SHISA9: variants seen among roughly 807,000 people sequenced by gnomAD.
SHISA9 encodes the protein shisa family member 9, also known as protein shisa-9.
SHISA9 carries 13 observed loss-of-function variants against 38.0 expected under a neutral mutation model. The observed-to-expected ratio is 0.34, with a 90% CI of 0.22 to 0.54. The LOEUF is 0.54. SHISA9 is among the 20% of genes least tolerant of loss of function. The pLI, the probability that SHISA9 is intolerant of heterozygous loss-of-function variation, is 0.91. For missense variants in SHISA9, 538 were observed against 575.8 expected, an observed-to-expected ratio of 0.93 and a Z score of 0.67; for synonymous variants, 275 against 242.0, an observed-to-expected ratio of 1.14 and a Z score of -1.27.
the SHISA9 span, among the ~76,000 whole-genome samples, chr16:13,447,987 T>C: frequency 6.6e-6 from 1 of 152,226 alleles, no homozygotes. Context: ...GAGAGAAACC[T>C]GAAAAGGAAA....
chr16:13,562,381 G>A, the SHISA9 span, among the ~76,000 whole-genome samples: 856 of 152,254 alleles, frequency 5.6e-3, 7 homozygotes, highest in African/African-American at 0.019. Flanking sequence ...TGTAATCCCA[G>A]CACTTTGGGA....
the SHISA9 span, among the ~76,000 whole-genome samples, chr16:13,306,211 A>G: frequency 1.3e-5 from 2 of 152,238 alleles, no homozygotes; most frequent in Non-Finnish European, 2.9e-5. Flanking sequence ...AAATGGGGTT[A>G]TCATAATTTG....
the SHISA9 span, among the ~76,000 whole-genome samples, chr16:13,247,778 G>A: frequency 1.2e-4 from 18 of 152,082 alleles, 1 homozygote; most frequent in South Asian, 3.7e-3. Flanking sequence ...TTTCCTTTTT[G>A]CAAGTTCAGA....
the SHISA9 span, among the ~76,000 whole-genome samples, chr16:13,413,757 CAAAAAAAAAAAAAA>C: frequency 9.4e-4 from 50 of 52,928 alleles, no homozygotes; most frequent in African/African-American, 2.1e-3. Flanking sequence ...GACTTCATCT[CAAAAAAAAAAAAAA>C]AAAAAAAAAA....
At chr16:13,391,898 A>G in the SHISA9 span, among the ~76,000 whole-genome samples, 192 of 152,294 alleles carry the variant, frequency 1.3e-3, 1 homozygote, top group African/African-American at 4.5e-3. Context: ...GTTTGGAATG[A>G]TGCAGATTTA....
chr16:13,013,027 T>C lies in SHISA9; in HGVS notation c.691+96212T>C, dbSNP rs1424119907. Among the ~76,000 whole-genome samples the C allele has an allele frequency of 3.3e-5, 5 of 152,216 alleles. No individual in the cohort carries two copies. In the East Asian group the frequency reaches 9.6e-4, roughly 29 times the overall value. ...AAGGGGACCTGCCTCTCCTGCTGCC[T>C]GTCTCTCTCTCTCTTCCTTTCTGAA... is the stretch of plus-strand genomic sequence containing the variant. On this transcript the variant is annotated intron_variant, in intron 2 of 4. Coordinates refer to ENST00000558583, the MANE Select transcript of SHISA9 (RefSeq NM_001145204.3).
intron 2 of SHISA9, among the ~76,000 whole-genome samples, chr16:13,104,459 A>G (rs2073907578): frequency 6.6e-6 from 1 of 152,244 alleles, no homozygotes; most frequent in Admixed American, 6.5e-5. Context: ...AATGTCAATC[A>G]ATTAGTAAAT....
chr16:13,097,401 T>C (rs1175475559), intron 2 of SHISA9, among the ~76,000 whole-genome samples: 2 of 151,506 alleles, frequency 1.3e-5, no homozygotes, highest in East Asian at 1.9e-4. Flanking sequence ...CCCGACATCA[T>C]AGTGGCATTG....
At chr16:13,521,959 AT>A in the SHISA9 span, among the ~76,000 whole-genome samples, 2 of 152,192 alleles carry the variant, frequency 1.3e-5, no homozygotes, top group Non-Finnish European at 2.9e-5. Context: ...TGTTAAATTT[AT>A]TATTTTTGCA....
the SHISA9 span, among the ~76,000 whole-genome samples, chr16:13,546,079 C>T: frequency 2.0e-5 from 3 of 152,132 alleles, no homozygotes; most frequent in African/African-American, 7.2e-5. Flanking sequence ...CTAATTCAGC[C>T]CTCTTGCCTA....
the SHISA9 span, among the ~76,000 whole-genome samples, chr16:13,350,966 T>C: frequency 4.6e-5 from 7 of 152,334 alleles, no homozygotes; most frequent in African/African-American, 1.7e-4. Flanking sequence ...CAGTACTTCC[T>C]AGAAAAAGCT....
At chr16:12,920,248 C>G (rs2071310773) in intron 2 of SHISA9, among the ~76,000 whole-genome samples, 1 of 152,072 alleles carries the variant, frequency 6.6e-6, no homozygotes, top group Admixed American at 6.5e-5. Context: ...TGCAGCACAC[C>G]AACATGGCAC....
intron 2 of SHISA9, among the ~76,000 whole-genome samples, chr16:13,083,732 G>A (rs1217910501): frequency 1.3e-5 from 2 of 152,188 alleles, no homozygotes; most frequent in Non-Finnish European, 2.9e-5. Flanking sequence ...CTGCTTCAGG[G>A]GGTGGGGAAA....
At chr16:13,346,617 CTTTTA>C in the SHISA9 span, among the ~76,000 whole-genome samples, 12 of 152,160 alleles carry the variant, frequency 7.9e-5, no homozygotes, top group East Asian at 9.6e-4. Context: ...GTGGAAGTCT[CTTTTA>C]TTTTATTATT....
At chr16:13,012,355 A>T (rs931883417) in intron 2 of SHISA9, among the ~76,000 whole-genome samples, 34 of 152,100 alleles carry the variant, frequency 2.2e-4, no homozygotes, top group Non-Finnish European at 4.0e-4. Context: ...AATGAGGAGG[A>T]ATCAGCCAGG....
At position 13,016,266 on chromosome 16, in the gene SHISA9, C is replaced by T. The variant is rs569772871; in HGVS notation, c.691+99451C>T. ...TTGGGATTACAGGTGTGAGCCACTG[C>T]ACCTGGCTAAATTAATTTCTTTAGC... On this transcript the variant is annotated intron_variant, in intron 2 of 4. Coordinates refer to ENST00000558583, the MANE Select transcript of SHISA9 (RefSeq NM_001145204.3). Among the ~76,000 whole-genome samples the T allele has an allele frequency of 2.6e-5, 4 of 152,126 alleles. No individual in the cohort carries two copies. The South Asian group carries it at 8.3e-4, about 32-fold the overall frequency.
chr16:12,972,744 A>G (rs982592269), intron 2 of SHISA9, among the ~76,000 whole-genome samples: 3 of 152,220 alleles, frequency 2.0e-5, no homozygotes, highest in African/African-American at 7.2e-5. Context: ...ATATTGGATA[A>G]TGCAATTATA....
chr16:13,089,322 A>C (rs1488968625), intron 2 of SHISA9, among the ~76,000 whole-genome samples: 1 of 152,206 alleles, frequency 6.6e-6, no homozygotes, highest in Non-Finnish European at 1.5e-5. Flanking sequence ...TCATAAAATG[A>C]GTTAGGGAGG....
intron 4 of SHISA9, among the ~76,000 whole-genome samples, chr16:13,231,487 T>C (rs1368883042): frequency 3.3e-5 from 5 of 152,244 alleles, no homozygotes; most frequent in Non-Finnish European, 5.9e-5. Flanking sequence ...AAACAATTCA[T>C]GACATTTCAG....
Sources: allele counts gnomAD v4.1 joint callset (sites outside exome capture counted in the v4.1 genomes callset), GRCh38; gene constraint gnomAD v4.1.1; transcripts MANE v1.5; gene names NCBI Gene and HGNC (gene_info 2026-07-23, HGNC 2026-07-21).